The following TENM1 variants were observed in gnomAD, a reference collection of about 807,000 sequenced individuals.
The protein encoded by TENM1 is teneurin-1.
In TENM1, 35 loss-of-function variants were observed where a neutral mutation model predicts 174.8. The ratio of observed to expected loss-of-function variants is 0.20; its 90% CI spans 0.15 to 0.27. The LOEUF (loss-of-function observed/expected upper bound fraction) is 0.27. Among genes scored for constraint, TENM1 ranks in the 10% least tolerant of loss-of-function variants. TENM1 has a pLI of 1.00. For synonymous variants in TENM1, 781 were observed against 798.7 expected, an observed-to-expected ratio of 0.98 and a Z score of 0.37; for missense variants, 1,633 against 2,130.1, an observed-to-expected ratio of 0.77 and a Z score of 4.59.
chrX:124,975,499 C>T, the TENM1 span, among the ~76,000 whole-genome samples: 4 of 111,717 alleles, frequency 3.6e-5, no homozygotes, highest in African/African-American at 1.3e-4. Context: ...AAAGATATAA[C>T]TTTCTTCTAG....
intron 29 of TENM1, among the ~76,000 whole-genome samples, chrX:124,385,100 GAAGT>G (rs919711692): frequency 8.9e-6 from 1 of 112,215 alleles, no homozygotes; most frequent in Non-Finnish European, 1.9e-5. Flanking sequence ...AGAAACTACA[GAAGT>G]AATAACACAT....
chrX:124,957,290 AT>A (rs1405349218), intron 1 of TENM1, among the ~76,000 whole-genome samples: 1 of 110,892 alleles, frequency 9.0e-6, no homozygotes, highest in African/African-American at 3.3e-5. Flanking sequence ...AAAAAAAAAA[AT>A]TGGCAGTTTG....
chrX:124,503,388 T>A (rs1296262382), intron 19 of TENM1, among the ~76,000 whole-genome samples, 172 bp downstream of exon 22: 9 of 111,728 alleles, frequency 8.1e-5, no homozygotes, highest in Non-Finnish European at 1.7e-4. Flanking sequence ...GTGTTCCGAT[T>A]CTTACCACAC....
chrX:124,380,735 G>T, exon 32 of TENM1: 1 of 1,211,005 alleles, frequency 8.3e-7, no homozygotes, highest in Non-Finnish European at 1.1e-6. Flanking sequence ...TTGTTCCTTA[G>T]TCCAGGCCTG....
chrX:125,116,589 T>A, the TENM1 span, among the ~76,000 whole-genome samples: 1 of 112,347 alleles, frequency 8.9e-6, no homozygotes, highest in Non-Finnish European at 1.9e-5. Flanking sequence ...GAACAGACAC[T>A]TCTCAAAAGA....
chrX:124,526,916 T>C (rs1317463608), intron 16 of TENM1, among the ~76,000 whole-genome samples: 1 of 112,236 alleles, frequency 8.9e-6, no homozygotes, highest in South Asian at 3.8e-4. Context: ...ACTTCACCTG[T>C]TTTGCTTATC....
the TENM1 span, among the ~76,000 whole-genome samples, chrX:124,992,777 T>C: frequency 1.2e-3 from 139 of 111,966 alleles, 1 homozygote; most frequent in Non-Finnish European, 2.0e-3. Flanking sequence ...ATTCTTTTAT[T>C]GTCAAGTTAT....
chrX:125,077,507 C>T, the TENM1 span, among the ~76,000 whole-genome samples: 1 of 110,963 alleles, frequency 9.0e-6, no homozygotes, highest in African/African-American at 3.3e-5. Flanking sequence ...GAACTGTAAC[C>T]AAAAAAGACA....
chrX:124,867,361 C>T (rs1385549543), intron 3 of TENM1, among the ~76,000 whole-genome samples: 1 of 111,976 alleles, frequency 8.9e-6, no homozygotes, highest in Non-Finnish European at 1.9e-5. Flanking sequence ...TGTGATACAT[C>T]ATACAAACAG....
At chrX:125,130,798 C>T in the TENM1 span, among the ~76,000 whole-genome samples, 3 of 111,854 alleles carry the variant, frequency 2.7e-5, no homozygotes, top group Non-Finnish European at 5.7e-5. Context: ...TATCTGCCAG[C>T]CAGTGTTCTA....
chrX:125,152,633 G>T, the TENM1 span, among the ~76,000 whole-genome samples: 1 of 112,131 alleles, frequency 8.9e-6, no homozygotes, highest in African/African-American at 3.2e-5. Flanking sequence ...CTGGGAAGAA[G>T]GAAGCTTGTG....
the TENM1 span, among the ~76,000 whole-genome samples, chrX:124,977,547 C>T: frequency 1.2e-4 from 13 of 110,431 alleles, no homozygotes; most frequent in Admixed American, 2.9e-4. Flanking sequence ...GTTGTGAAAC[C>T]GTTACCACCA....
the TENM1 span, among the ~76,000 whole-genome samples, chrX:125,188,551 C>T: frequency 9.0e-6 from 1 of 111,484 alleles, no homozygotes; most frequent in African/African-American, 3.3e-5. Flanking sequence ...GGAAAAATCT[C>T]AGTAGTAAGA....
chrX:124,569,356 A>G (rs1436878888), intron 11 of TENM1, among the ~76,000 whole-genome samples: 1 of 112,319 alleles, frequency 8.9e-6, no homozygotes, highest in Non-Finnish European at 1.9e-5. Flanking sequence ...GAGCAAGCAA[A>G]CAAATCAGAA....
At chrX:124,894,300 A>G (rs1908010961) in exon 3 of TENM1, 1 of 1,200,683 alleles carries the variant, frequency 8.3e-7, no homozygotes, top group Non-Finnish European at 1.1e-6. Flanking sequence ...ACTTGCCTTG[A>G]GTAGACCCAG....
At chrX:125,154,090 T>C in the TENM1 span, among the ~76,000 whole-genome samples, 1 of 112,137 alleles carries the variant, frequency 8.9e-6, no homozygotes, top group Non-Finnish European at 1.9e-5. Flanking sequence ...AAACATGGAA[T>C]TAATAAAAAG....
the TENM1 span, among the ~76,000 whole-genome samples, chrX:125,079,244 G>A: frequency 0.37 from 40,683 of 110,604 alleles, 7,741 homozygotes; most frequent in African/African-American, 0.75. Flanking sequence ...CATTTATAAA[G>A]AGAGTGGATC....
chrX:124,409,398 C>T (rs1414067279), intron 25 of TENM1, among the ~76,000 whole-genome samples: 7 of 108,037 alleles, frequency 6.5e-5, no homozygotes, highest in Middle Eastern at 4.6e-3. Flanking sequence ...CTATCTATGA[C>T]AAACCCACAG....
intron 21 of TENM1, among the ~76,000 whole-genome samples, chrX:124,485,170 G>C (rs1397420335): frequency 9.0e-6 from 1 of 111,415 alleles, no homozygotes; most frequent in Non-Finnish European, 1.9e-5. Context: ...ATACTAATTT[G>C]AGACTGTTTA....
Sources: gnomAD v4.1 joint callset for allele counts (sites outside exome capture counted in the v4.1 genomes callset) on GRCh38, gnomAD v4.1.1 for gene constraint, MANE v1.5 for transcripts, NCBI Gene and HGNC (gene_info 2026-07-23, HGNC 2026-07-21) for gene names.